Variants in RCAN1 observed in about 807,000 individuals in gnomAD.
RCAN1 encodes the protein calcipressin-1.
In RCAN1, 11 loss-of-function variants were observed where a neutral mutation model predicts 22.9. The ratio of observed to expected loss-of-function variants is 0.48; its 90% CI spans 0.30 to 0.79. The LOEUF is 0.79. RCAN1 is among the 30% of genes least tolerant of loss of function. The probability of loss-of-function intolerance (pLI) is 0.06; values close to 1 mark genes in which losing one functional copy is unlikely to be tolerated. For missense variants in RCAN1, 291 were observed against 337.8 expected, an observed-to-expected ratio of 0.86 and a Z score of 1.09; for synonymous variants, 136 against 142.3, an observed-to-expected ratio of 0.96 and a Z score of 0.32.
chr21:34,564,037 G>A (rs957587008), intron 1 of RCAN1, among the ~76,000 whole-genome samples: 8 of 151,942 alleles, frequency 5.3e-5, no homozygotes, highest in South Asian at 4.2e-4. Context: ...TCACAGTTCC[G>A]CATGGCTGGG....
chr21:34,530,624 T>TGTTTG (rs1190124200), intron 1 of RCAN1, among the ~76,000 whole-genome samples: 2 of 102,840 alleles, frequency 1.9e-5, no homozygotes, highest in Admixed American at 9.2e-5. Context: ...TAGTTTTTTT[T>TGTTTG]TTTTTTTTTT....
intron 1 of RCAN1, among the ~76,000 whole-genome samples, chr21:34,596,348 G>A (rs1988151773): frequency 6.6e-6 from 1 of 152,320 alleles, no homozygotes; most frequent in East Asian, 1.9e-4. Context: ...CGACTGGGAG[G>A]GAAGGCTGAG....
chr21:34,586,807 A>G (rs1281102212), intron 1 of RCAN1, among the ~76,000 whole-genome samples: 1 of 152,154 alleles, frequency 6.6e-6, no homozygotes, highest in East Asian at 1.9e-4. Flanking sequence ...ACAAAAAATT[A>G]GCCAGGCATG....
chr21:34,546,171 C>T (rs746073232), intron 1 of RCAN1, among the ~76,000 whole-genome samples: 13 of 152,156 alleles, frequency 8.5e-5, no homozygotes, highest in Non-Finnish European at 1.6e-4. Context: ...ACAAACATTT[C>T]AGTGACTTAG....
intron 1 of RCAN1, chr21:34,613,804 A>G (rs1568937652): frequency 1.3e-6 from 2 of 1,497,810 alleles, no homozygotes; most frequent in Admixed American, 2.0e-5. Flanking sequence ...ATTCTGTTTC[A>G]CAGTGGTGTT....
At chr21:34,536,550 T>G (rs531987730) in intron 1 of RCAN1, among the ~76,000 whole-genome samples, 1 of 152,142 alleles carries the variant, frequency 6.6e-6, no homozygotes, top group South Asian at 2.1e-4. Flanking sequence ...AATTCTACTT[T>G]CCAGGGTTAA....
intron 3 of RCAN1, chr21:34,521,298 C>T (rs376596532): frequency 2.3e-5 from 33 of 1,451,746 alleles, no homozygotes; most frequent in East Asian, 1.7e-4. Flanking sequence ...CAGCCGCAGT[C>T]TCTCTAACAC....
At chr21:34,536,696 T>G (rs961399374) in intron 1 of RCAN1, among the ~76,000 whole-genome samples, 6 of 152,014 alleles carry the variant, frequency 3.9e-5, no homozygotes, top group African/African-American at 1.4e-4. Context: ...GCTGGCTGAA[T>G]GTCAGCGGAG....
At chr21:34,523,783 A>T in intron 1 of RCAN1, 73 bp from the exon 2 acceptor site, 153 of 1,184,166 alleles carry the variant, frequency 1.3e-4, no homozygotes, top group Admixed American at 1.0e-3. Context: ...TGATGTCATT[A>T]CTTTTTTTTT....
intron 1 of RCAN1, among the ~76,000 whole-genome samples, chr21:34,549,850 A>G (rs1039443893): frequency 6.6e-6 from 1 of 152,150 alleles, no homozygotes; most frequent in African/African-American, 2.4e-5. Flanking sequence ...GGCACTGACC[A>G]TGCCAGCTAC....
At chr21:34,545,635 A>G (rs1272337855) in intron 1 of RCAN1, among the ~76,000 whole-genome samples, 1 of 152,164 alleles carries the variant, frequency 6.6e-6, no homozygotes, top group African/African-American at 2.4e-5. Flanking sequence ...TACACTAACG[A>G]CATTGTGGAG....
In RCAN1 at chr21:34,614,759, C is replaced by G; in HGVS notation, c.252+1G>C. ...GACGGCCCGCCCGGCGCGGTCCTCA[C>G]CCGGCACAGGCCGTCCACGAACACG... On this transcript the variant is annotated splice_donor_variant, in intron 1 of 3. Coordinates refer to ENST00000313806, the MANE Select transcript of RCAN1 (RefSeq NM_004414.7). LOFTEE classifies it high-confidence loss of function. This position sits in a 1 kb window ranked among gnomAD's most constrained non-coding sequence, Gnocchi z 6.0. The G allele has an allele frequency of 6.9e-7, 1 of 1,439,772 alleles. No individual in the cohort carries two copies. The allele number at this position is 1,439,772 out of a possible 1,614,324, so 89.2% of individuals were successfully genotyped here. A position where few individuals can be genotyped will look rare whatever the true frequency, so the allele number is the denominator to read the frequency against.
intron 1 of RCAN1, among the ~76,000 whole-genome samples, chr21:34,565,064 C>A (rs773926963): frequency 6.6e-6 from 1 of 152,048 alleles, no homozygotes; most frequent in Non-Finnish European, 1.5e-5. Flanking sequence ...CAAACAAAAC[C>A]AGTCAGGCAT....
intron 1 of RCAN1, among the ~76,000 whole-genome samples, chr21:34,594,738 G>T (rs1328231348): frequency 6.6e-6 from 1 of 152,184 alleles, no homozygotes; most frequent in African/African-American, 2.4e-5. Flanking sequence ...TCAGTGTTAG[G>T]AGTCAGACCT....
At position 34,518,010 on chromosome 21, in the gene RCAN1, G is replaced by T; in HGVS notation, c.*74C>A. 4.5e-6 allele frequency: 7 copies of T among 1,568,432 alleles called. 1 individual carries two copies. In the South Asian group the frequency reaches 5.9e-5, roughly 13 times the overall value. ...CTCGGCTGCCACCTCCGAAGAAGTC[G>T]TGACCAGCCACCTCCACAGTAAAAG... On this transcript the variant is annotated 3_prime_UTR_variant, in exon 4 of 4. Transcript: ENST00000313806. The surrounding 1 kb of genome is among the most constrained non-coding windows in gnomAD (Gnocchi z 4.2).
At position 34,523,727 on chromosome 21, in the gene RCAN1, A is replaced by G; in HGVS notation, c.253-17T>C. The G allele has an allele frequency of 1.2e-6, 2 of 1,606,594 alleles. No individual in the cohort carries two copies. Among genetic ancestry groups the G allele is most frequent in the Middle Eastern group, 1.7e-4 (1 of 6,004 alleles). On this transcript the variant is annotated splice_polypyrimidine_tract_variant and intron_variant, in intron 1 of 3. Transcript: ENST00000313806. ...AAATTTGGCCTGAAAAATAACAATA[A>G]AAATAAAAGGAGTTGAAATTTACCT...
chr21:34,556,777 T>C (rs932569335), intron 1 of RCAN1, among the ~76,000 whole-genome samples: 11 of 152,370 alleles, frequency 7.2e-5, no homozygotes, highest in African/African-American at 2.6e-4. Flanking sequence ...TTGAAGTTTT[T>C]GTTTCTTCCA....
At chr21:34,569,967 T>C (rs893338785) in intron 1 of RCAN1, among the ~76,000 whole-genome samples, 1 of 152,146 alleles carries the variant, frequency 6.6e-6, no homozygotes, top group Non-Finnish European at 1.5e-5. Context: ...GCAAAGGGGC[T>C]GGAGGAAGGG....
chr21:34,611,884 G>A (rs570628353), intron 1 of RCAN1, among the ~76,000 whole-genome samples: 2 of 152,290 alleles, frequency 1.3e-5, no homozygotes, highest in African/African-American at 4.8e-5. Flanking sequence ...TTAGCTCTCA[G>A]GTTGCCCACT....
Sources: allele counts gnomAD v4.1 joint callset (sites outside exome capture counted in the v4.1 genomes callset), GRCh38; gene constraint gnomAD v4.1.1; non-coding constraint Gnocchi (gnomAD v3.1); transcripts MANE v1.5; gene names NCBI Gene and HGNC (gene_info 2026-07-23, HGNC 2026-07-21).